Variants in PRKCB observed in about 807,000 individuals in gnomAD.
PRKCB encodes protein kinase C beta type.
A neutral mutation model predicts 81.5 loss-of-function variants in PRKCB; 13 were observed. The ratio of observed to expected loss-of-function variants is 0.16; its 90% CI spans 0.10 to 0.25. PRKCB has a LOEUF of 0.25. PRKCB is among the 10% of genes least tolerant of loss of function. The pLI is 1.00. For synonymous variants in PRKCB, 335 were observed against 321.4 expected (o/e 1.04, Z -0.45); for missense variants, 509 against 875.7 (o/e 0.58, Z 5.29).
intron 7 of PRKCB, among the ~76,000 whole-genome samples, chr16:24,110,553 G>T (rs1034766021): frequency 5.6e-4 from 46 of 81,496 alleles, no homozygotes; most frequent in African/African-American, 1.7e-3. Context: ...GTCTTGCTTT[G>T]TCACCCAGGC....
At chr16:23,841,871 G>T (rs1160739013) in intron 2 of PRKCB, among the ~76,000 whole-genome samples, 1 of 151,820 alleles carries the variant, frequency 6.6e-6, no homozygotes, top group Non-Finnish European at 1.5e-5. Context: ...GGTTAGGCTG[G>T]TCTCGAACTC....
At chr16:23,838,826 G>T (rs893660161) in intron 2 of PRKCB, among the ~76,000 whole-genome samples, 1 of 152,132 alleles carries the variant, frequency 6.6e-6, no homozygotes, top group Non-Finnish European at 1.5e-5. Flanking sequence ...AACCTACCCA[G>T]CCTGTCTTAC....
At chr16:23,875,139 C>T (rs8050452) in intron 2 of PRKCB, among the ~76,000 whole-genome samples, 10,921 of 150,660 alleles carry the variant, frequency 0.072, 511 homozygotes, top group South Asian at 0.21. Context: ...TGGGCTTAAG[C>T]GATCCTCCTG....
At chr16:23,913,566 GGGA>G (rs1470733983) in intron 2 of PRKCB, among the ~76,000 whole-genome samples, 1 of 152,174 alleles carries the variant, frequency 6.6e-6, no homozygotes, top group Non-Finnish European at 1.5e-5. Context: ...TTCTGAGTGC[GGGA>G]GGAGAATAAT....
chr16:24,105,665 T>C (rs574456231), intron 7 of PRKCB, among the ~76,000 whole-genome samples: 3 of 152,348 alleles, frequency 2.0e-5, no homozygotes, highest in African/African-American at 4.8e-5. Context: ...CTGAGAATGA[T>C]GGTTTCCAGC....
At chr16:24,191,285 C>T (rs1967789051) in intron 16 of PRKCB, 55 bp downstream of exon 16, 3 of 1,600,656 alleles carry the variant, frequency 1.9e-6, no homozygotes, top group Non-Finnish European at 2.6e-6. Flanking sequence ...GTATTCTTGC[C>T]TGTGCCTCAT....
chr16:24,093,837 A>AG (rs1966406394), intron 6 of PRKCB, among the ~76,000 whole-genome samples: 1 of 152,094 alleles, frequency 6.6e-6, no homozygotes, highest in Non-Finnish European at 1.5e-5. Context: ...TACACACCCA[A>AG]TTATGCAATT....
intron 9 of PRKCB, among the ~76,000 whole-genome samples, chr16:24,133,426 G>A (rs1400016672): frequency 6.6e-6 from 1 of 152,150 alleles, no homozygotes; most frequent in Non-Finnish European, 1.5e-5. Flanking sequence ...CATGAGAATG[G>A]CTTTCACTCC....
At chr16:23,896,571 C>T (rs1275654186) in intron 2 of PRKCB, among the ~76,000 whole-genome samples, 1 of 152,006 alleles carries the variant, frequency 6.6e-6, no homozygotes, top group Non-Finnish European at 1.5e-5. Context: ...ATCTATTTAG[C>T]AAGTTTAATG....
chr16:23,875,507 G>GT (rs752611366), intron 2 of PRKCB, among the ~76,000 whole-genome samples: 4,130 of 18,192 alleles, frequency 0.23, 616 homozygotes, highest in South Asian at 0.33. Flanking sequence ...ATATATATAT[G>GT]ATGTATATCA....
At chr16:23,874,096 G>A (rs1962956430) in intron 2 of PRKCB, among the ~76,000 whole-genome samples, 1 of 152,094 alleles carries the variant, frequency 6.6e-6, no homozygotes. Flanking sequence ...ACGTACACAT[G>A]TATTTACTAA....
At chr16:24,136,390 C>T (rs572842860) in intron 9 of PRKCB, among the ~76,000 whole-genome samples, 2 of 152,290 alleles carry the variant, frequency 1.3e-5, no homozygotes, top group African/African-American at 4.8e-5. Context: ...GCTGAGAAGA[C>T]ATGGCTTGTT....
intron 9 of PRKCB, among the ~76,000 whole-genome samples, chr16:24,129,492 C>T (rs1966849901): frequency 6.6e-6 from 1 of 151,778 alleles, no homozygotes; most frequent in Non-Finnish European, 1.5e-5. Flanking sequence ...TCTCTCCTCT[C>T]TCTTTCTGTC....
At chr16:24,214,329 G>T (rs561053905) in intron 16 of PRKCB, among the ~76,000 whole-genome samples, 34 of 151,994 alleles carry the variant, frequency 2.2e-4, no homozygotes, top group Non-Finnish European at 4.1e-4. Context: ...GACTTCTCGG[G>T]GTGGGTTGGG....
At chr16:24,145,107 G>GAGCA in intron 9 of PRKCB, among the ~76,000 whole-genome samples, 1 of 152,288 alleles carries the variant, frequency 6.6e-6, no homozygotes. Flanking sequence ...TGAACAAGAT[G>GAGCA]AGGGAGCAAA....
intron 16 of PRKCB, among the ~76,000 whole-genome samples, chr16:24,199,279 C>T (rs910204896): frequency 6.6e-6 from 1 of 152,200 alleles, no homozygotes; most frequent in Non-Finnish European, 1.5e-5. Context: ...CATCTGAAAA[C>T]ATTGTTTATG....
chr16:24,033,978 C>T (rs757073988), intron 4 of PRKCB, among the ~76,000 whole-genome samples: 10 of 151,850 alleles, frequency 6.6e-5, no homozygotes, highest in Admixed American at 3.3e-4. Flanking sequence ...TGGAACAGAC[C>T]GATTCACAGA....
At chr16:24,032,456 G>A (rs1965562001) in intron 4 of PRKCB, among the ~76,000 whole-genome samples, 1 of 152,308 alleles carries the variant, frequency 6.6e-6, no homozygotes, top group East Asian at 1.9e-4. Flanking sequence ...TCATGACTCT[G>A]CAAGGCAGTT....
intron 5 of PRKCB, among the ~76,000 whole-genome samples, chr16:24,087,622 A>G (rs189659244): frequency 5.1e-4 from 78 of 152,380 alleles, no homozygotes; most frequent in East Asian, 3.9e-4. Context: ...GAGTTAAATA[A>G]GAGATGCTCC....
Sources: gnomAD v4.1 joint callset for allele counts (sites outside exome capture counted in the v4.1 genomes callset) on GRCh38, gnomAD v4.1.1 for gene constraint, MANE v1.5 for transcripts, NCBI Gene and HGNC (gene_info 2026-07-23, HGNC 2026-07-21) for gene names.